Variants in SPTA1 observed in about 807,000 individuals in gnomAD.
The protein encoded by SPTA1 is spectrin alpha, erythrocytic 1.
A neutral mutation model predicts 324.7 loss-of-function variants in SPTA1; 177 were observed. The ratio of observed to expected loss-of-function variants is 0.55; its 90% CI spans 0.48 to 0.62. SPTA1 has a LOEUF of 0.62. Ranked by LOEUF, SPTA1 falls within the 20% of genes least tolerant of loss-of-function variation. SPTA1 has a pLI of 0.00. For missense variants in SPTA1, 3,162 were observed against 2,883.6 expected, an observed-to-expected ratio of 1.10 and a Z score of -2.21; for synonymous variants, 1,195 against 1,041.3, an observed-to-expected ratio of 1.15 and a Z score of -2.84.
chr1:158,622,225 G>A (rs1649961222), intron 43 of SPTA1, among the ~76,000 whole-genome samples: 1 of 151,980 alleles, frequency 6.6e-6, no homozygotes, highest in African/African-American at 2.4e-5. Flanking sequence ...ACATTTGAAG[G>A]AATATTTTGA....
At chr1:158,631,970 G>T (rs190844442) in intron 39 of SPTA1, among the ~76,000 whole-genome samples, 8 of 152,178 alleles carry the variant, frequency 5.3e-5, no homozygotes, top group Non-Finnish European at 1.0e-4. Flanking sequence ...AGGAAATAAT[G>T]ATTTCAATAA....
At chr1:158,671,594 C>T (rs945403559) in intron 11 of SPTA1, 141 bp from the exon 12 acceptor site, 11 of 710,628 alleles carry the variant, frequency 1.5e-5, no homozygotes, top group Admixed American at 8.4e-5. Flanking sequence ...TAGAAATTAA[C>T]TTTAAACAGC....
chr1:158,651,215 G>T (rs899024492), intron 24 of SPTA1, 152 bp downstream of exon 24: 14 of 672,848 alleles, frequency 2.1e-5, no homozygotes, highest in Non-Finnish European at 3.6e-5. Flanking sequence ...TTGGGCTATT[G>T]TCTTTGGCCT....
At chr1:158,674,075 C>T (rs553331066) in intron 10 of SPTA1, among the ~76,000 whole-genome samples, 8 of 152,082 alleles carry the variant, frequency 5.3e-5, no homozygotes, top group South Asian at 2.1e-4. Context: ...GTACATGCAT[C>T]GTATGCAAAT....
chr1:158,648,348 A>G (rs1259377107), intron 26 of SPTA1, among the ~76,000 whole-genome samples, 161 bp downstream of exon 26: 1 of 152,154 alleles, frequency 6.6e-6, no homozygotes. Flanking sequence ...TATCCTTTTC[A>G]TGGTCTTGCC....
intron 15 of SPTA1, 41 bp from the exon 16 acceptor site, chr1:158,666,538 C>T (rs1553234025): frequency 6.4e-7 from 1 of 1,559,992 alleles, no homozygotes; most frequent in Non-Finnish European, 8.7e-7. Context: ...GGTACCATAA[C>T]TATTCCTCTT....
chr1:158,661,018 A>T (rs144880791), intron 18 of SPTA1, among the ~76,000 whole-genome samples: 243 of 152,328 alleles, frequency 1.6e-3, no homozygotes, highest in African/African-American at 5.5e-3. Context: ...ACTTCTACAG[A>T]GAAGCATATT....
chr1:158,618,143 T>A, intron 45 of SPTA1, 87 bp from the exon 46 acceptor site: 1 of 1,356,040 alleles, frequency 7.4e-7, no homozygotes, highest in Non-Finnish European at 1.1e-6. Flanking sequence ...TCTCATTTCC[T>A]CAGATTTATG....
intron 44 of SPTA1, 25 bp from the exon 45 acceptor site, chr1:158,619,359 G>C: frequency 1.2e-6 from 2 of 1,609,862 alleles, no homozygotes; most frequent in Non-Finnish European, 1.7e-6. Context: ...CACAGACAAC[G>C]TGACTGACAT....
In SPTA1 at chr1:158,654,725, C is replaced by T. The variant is rs757644782; in HGVS notation, c.2922G>A (p.Glu974=). 8.7e-6 allele frequency: 14 copies of T among 1,613,752 alleles called. No individual in the cohort carries two copies. In the African/African-American group the frequency reaches 1.2e-4, roughly 14 times the overall value. Residue 974 remains glutamate, a synonymous_variant, in exon 21 of 52, where the codon GAG becomes GAA. Coordinates refer to ENST00000643759, the MANE Select transcript of SPTA1 (RefSeq NM_003126.4). ...TGACCCTTTGTTCTCCAGCAACTCC[C>T]TCCACTGGTGCAGCCTGTTGTTGCT... ...ACQQQQAAPV[E]GVAGEQRVMA...
At chr1:158,667,748 G>T in intron 15 of SPTA1, 110 bp downstream of exon 15, 1 of 1,179,932 alleles carries the variant, frequency 8.5e-7, no homozygotes, top group Non-Finnish European at 1.2e-6. Flanking sequence ...AAGCAAATGA[G>T]TAGTATACCT....
chr1:158,666,670 T>C (rs1653626681), intron 15 of SPTA1, among the ~76,000 whole-genome samples, 173 bp from the exon 16 acceptor site: 1 of 152,206 alleles, frequency 6.6e-6, no homozygotes, highest in Non-Finnish European at 1.5e-5. Flanking sequence ...AGAATTCTGA[T>C]AATATTTGTT....
chr1:158,670,770 A>T (rs896088733), intron 12 of SPTA1, among the ~76,000 whole-genome samples: 1 of 152,220 alleles, frequency 6.6e-6, no homozygotes, highest in Admixed American at 6.5e-5. Context: ...AGAGATAAAG[A>T]TATACTATAA....
chr1:158,615,159 T>A (rs1188448500), intron 48 of SPTA1, 57 bp downstream of exon 48: 25 of 1,602,960 alleles, frequency 1.6e-5, no homozygotes, highest in Non-Finnish European at 2.6e-6. Flanking sequence ...TTAGTTAAGG[T>A]CCTAACACCT....
rs2101937255 is a variant in SPTA1, at chr1:158,678,607, A to G, written c.679-73T>C. On this transcript the variant is annotated intron_variant, in intron 5 of 51. Coordinates refer to ENST00000643759, the MANE Select transcript of SPTA1 (RefSeq NM_003126.4). ...TTAAAAAATTATTCAAACACTTTTC[A>G]TTTTACATTAGTTCATACTTTTACA... is the stretch of plus-strand genomic sequence containing the variant. The G allele has an allele frequency of 4.6e-6, 7 of 1,530,108 alleles. No individual in the cohort carries two copies. In the East Asian group the frequency reaches 7.1e-5, roughly 16 times the overall value. 94.8% of individuals were successfully genotyped at this position (1,530,108 alleles called of 1,614,324 possible). A position where few individuals can be genotyped will look rare whatever the true frequency, so the allele number is the denominator to read the frequency against.
intron 51 of SPTA1, 163 bp downstream of exon 51, chr1:158,612,654 G>A (rs1649329589): frequency 1.3e-6 from 1 of 742,980 alleles, no homozygotes; most frequent in Non-Finnish European, 2.3e-6. Flanking sequence ...GTTGGGTCAA[G>A]ACAAAATGAA....
At chr1:158,669,879 G>A in intron 12 of SPTA1, 93 bp from the exon 13 acceptor site, 1 of 1,240,616 alleles carries the variant, frequency 8.1e-7, no homozygotes, top group Middle Eastern at 1.9e-4. Flanking sequence ...ATGAAGAACA[G>A]CAATGTGGGA....
intron 36 of SPTA1, 34 bp from the exon 37 acceptor site, chr1:158,636,795 T>G (rs1651115930): frequency 6.2e-7 from 1 of 1,612,856 alleles, no homozygotes. Context: ...AAGTTTGGAG[T>G]CTAGACATCT....
chr1:158,619,494 C>T (rs1163675087), intron 44 of SPTA1, among the ~76,000 whole-genome samples, 160 bp from the exon 45 acceptor site: 1 of 152,176 alleles, frequency 6.6e-6, no homozygotes, highest in Non-Finnish European at 1.5e-5. Context: ...CAGTCAACCT[C>T]TCTCACCTCT....
Sources: gnomAD v4.1 joint callset for allele counts (sites outside exome capture counted in the v4.1 genomes callset) on GRCh38, gnomAD v4.1.1 for gene constraint, MANE v1.5 for transcripts, NCBI Gene and HGNC (gene_info 2026-07-23, HGNC 2026-07-21) for gene names.